Variants in SOX5 observed in about 807,000 individuals in gnomAD.
The protein encoded by SOX5 is SRY-box transcription factor 5.
A neutral mutation model predicts 92.0 loss-of-function variants in SOX5; 9 were observed. The ratio of observed to expected loss-of-function variants is 0.10; its 90% CI spans 0.06 to 0.17. The LOEUF is 0.17. Among genes scored for constraint, SOX5 ranks in the 10% least tolerant of loss-of-function variants. The pLI is 1.00. For synonymous variants in SOX5, 344 were observed against 336.3 expected, an observed-to-expected ratio of 1.02 and a Z score of -0.25; for missense variants, 642 against 944.5, an observed-to-expected ratio of 0.68 and a Z score of 4.20.
intron 1 of SOX5, among the ~76,000 whole-genome samples, chr12:24,456,666 C>T (rs1943054980): frequency 6.6e-6 from 1 of 152,168 alleles, no homozygotes. Flanking sequence ...CTTGATGTGT[C>T]CATTCACCCA....
chr12:23,772,757 AGG>A (rs1320345164), intron 3 of SOX5, among the ~76,000 whole-genome samples: 4 of 152,214 alleles, frequency 2.6e-5, no homozygotes, highest in African/African-American at 4.8e-5. Context: ...GGGCAATTTA[AGG>A]TATTAAATGA....
chr12:23,856,759 AT>A (rs2096695795), intron 2 of SOX5, among the ~76,000 whole-genome samples: 1 of 152,204 alleles, frequency 6.6e-6, no homozygotes, highest in Non-Finnish European at 1.5e-5. Context: ...AACAACTATA[AT>A]AAGTACTAAT....
chr12:23,722,642 T>C (rs1271415926), intron 6 of SOX5, among the ~76,000 whole-genome samples: 2 of 152,220 alleles, frequency 1.3e-5, no homozygotes, highest in Non-Finnish European at 2.9e-5. Context: ...TTTTTGTCTC[T>C]CCTATATATA....
At chr12:23,849,453 G>A (rs1444677851) in intron 2 of SOX5, among the ~76,000 whole-genome samples, 1 of 152,122 alleles carries the variant, frequency 6.6e-6, no homozygotes, top group Admixed American at 6.5e-5. Context: ...GAGGCAGAGA[G>A]ACTGAAGCAC....
intron 6 of SOX5, among the ~76,000 whole-genome samples, chr12:23,679,788 A>C (rs1282360896): frequency 6.6e-6 from 1 of 152,196 alleles, no homozygotes; most frequent in East Asian, 1.9e-4. Context: ...ACACAATTTA[A>C]ATTTAACAAA....
chr12:24,114,622 A>C (rs1465989149), intron 4 of SOX5, among the ~76,000 whole-genome samples: 4 of 151,150 alleles, frequency 2.6e-5, no homozygotes, highest in African/African-American at 9.7e-5. Flanking sequence ...GACTTGAAAA[A>C]AATATTGAAT....
intron 6 of SOX5, among the ~76,000 whole-genome samples, chr12:23,726,188 C>T (rs2093124905): frequency 7.2e-6 from 1 of 138,712 alleles, no homozygotes; most frequent in African/African-American, 2.7e-5. Flanking sequence ...CAGTTTCTCA[C>T]TGTTTGTAAG....
intron 6 of SOX5, among the ~76,000 whole-genome samples, chr12:23,731,102 T>A (rs944167821): frequency 2.6e-5 from 4 of 152,208 alleles, no homozygotes; most frequent in Admixed American, 1.3e-4. Context: ...GATACACTCT[T>A]CTTCTGTCCT....
chr12:24,487,218 C>T (rs1340424770), intron 1 of SOX5, among the ~76,000 whole-genome samples: 2 of 152,168 alleles, frequency 1.3e-5, no homozygotes, highest in Non-Finnish European at 2.9e-5. Context: ...AACATCCTAG[C>T]TCCCTGCACC....
At chr12:23,915,178 A>G (rs1364727460) in intron 1 of SOX5, among the ~76,000 whole-genome samples, 1 of 152,158 alleles carries the variant, frequency 6.6e-6, no homozygotes, top group East Asian at 1.9e-4. Flanking sequence ...GTAAATGAGT[A>G]CATATAGAAA....
intron 4 of SOX5, among the ~76,000 whole-genome samples, chr12:24,145,021 A>G (rs1295073880): frequency 1.3e-5 from 2 of 152,034 alleles, no homozygotes; most frequent in Non-Finnish European, 2.9e-5. Context: ...GAGCCTGGGA[A>G]GGTCAAGGCT....
At chr12:24,410,576 T>A (rs1963895008) in intron 1 of SOX5, among the ~76,000 whole-genome samples, 1 of 152,244 alleles carries the variant, frequency 6.6e-6, no homozygotes, top group Admixed American at 6.5e-5. Flanking sequence ...GCTGTTTTTT[T>A]CTGTTGAATT....
intron 1 of SOX5, among the ~76,000 whole-genome samples, chr12:24,428,135 A>G (rs1481948074): frequency 1.3e-5 from 2 of 151,878 alleles, no homozygotes; most frequent in Admixed American, 6.6e-5. Context: ...AAGTCTCCAT[A>G]TTCTACATCT....
intron 3 of SOX5, among the ~76,000 whole-genome samples, chr12:23,776,531 C>T (rs1451128406): frequency 6.6e-6 from 1 of 152,130 alleles, no homozygotes; most frequent in Non-Finnish European, 1.5e-5. Context: ...CAAGACCATG[C>T]CATTGACAAG....
chr12:24,479,100 A>G (rs1288874707), intron 1 of SOX5, among the ~76,000 whole-genome samples: 1 of 152,194 alleles, frequency 6.6e-6, no homozygotes, highest in Non-Finnish European at 1.5e-5. Context: ...CCAGTTTCTT[A>G]ACTCTGAGTA....
intron 9 of SOX5, among the ~76,000 whole-genome samples, chr12:23,584,956 G>A (rs948049054): frequency 6.6e-6 from 1 of 151,828 alleles, no homozygotes; most frequent in African/African-American, 2.4e-5. Flanking sequence ...AGTGATCTGA[G>A]TACTCTCTTT....
At chr12:23,813,941 T>G (rs1297318414) in intron 3 of SOX5, among the ~76,000 whole-genome samples, 1 of 152,294 alleles carries the variant, frequency 6.6e-6, no homozygotes, top group East Asian at 1.9e-4. Flanking sequence ...AGGGCGATAT[T>G]TTTTCATTAA....
chr12:24,068,782 A>G (rs1941312411), intron 4 of SOX5, among the ~76,000 whole-genome samples: 2 of 144,376 alleles, frequency 1.4e-5, no homozygotes, highest in South Asian at 4.6e-4. Context: ...TTTATATCCA[A>G]GATAAATAGG....
intron 3 of SOX5, among the ~76,000 whole-genome samples, chr12:24,265,153 A>G (rs544313751): frequency 2.0e-5 from 3 of 152,320 alleles, no homozygotes; most frequent in Non-Finnish European, 4.4e-5. Context: ...TTTTCGAAAA[A>G]CAATTTGTTC....
Sources: allele counts gnomAD v4.1 joint callset (sites outside exome capture counted in the v4.1 genomes callset), GRCh38; gene constraint gnomAD v4.1.1; transcripts MANE v1.5; gene names NCBI Gene and HGNC (gene_info 2026-07-23, HGNC 2026-07-21).